The following SNX1 variants were observed in gnomAD, a reference collection of about 807,000 sequenced individuals.
SNX1 encodes the protein sorting nexin 1, also known as sorting nexin-1.
A neutral mutation model predicts 71.8 loss-of-function variants in SNX1; 36 were observed. The ratio of observed to expected loss-of-function variants is 0.50; its 90% confidence interval spans 0.38 to 0.66. The LOEUF is 0.66. Among genes scored for constraint, SNX1 ranks in the 30% least tolerant of loss-of-function variants. The pLI is 0.00. For missense variants in SNX1, 612 were observed against 646.7 expected (o/e 0.95, Z 0.58); for synonymous variants, 254 against 240.7 (o/e 1.06, Z -0.51).
intron 4 of SNX1, among the ~76,000 whole-genome samples, chr15:64,122,591 C>T (rs1307764896): frequency 6.6e-6 from 1 of 152,140 alleles, no homozygotes; most frequent in Non-Finnish European, 1.5e-5. Flanking sequence ...CCCCTCACCC[C>T]TCACCCCAGA....
chr15:64,121,993 C>T (rs1171754677), intron 4 of SNX1, among the ~76,000 whole-genome samples: 4 of 152,158 alleles, frequency 2.6e-5, no homozygotes, highest in South Asian at 2.1e-4. Flanking sequence ...TGGAAATTTA[C>T]GTAAATTTAA....
In SNX1 at chr15:64,129,341, G is replaced by A. The variant is rs1011988130; in HGVS notation, c.808-575G>A. On this transcript the variant is annotated intron_variant, in intron 8 of 14. Transcript: ENST00000559844. This position sits in a 1 kb window ranked among gnomAD's most constrained non-coding sequence, Gnocchi z 4.4. ...CTGTATATGCTATAGATTTTTCAGC[G>A]TCCTTTCCATGCCCTAGGAGAGTAC... 5.9e-5 allele frequency among the ~76,000 whole-genome samples: 9 copies of A among 152,070 alleles called. No homozygotes were observed. The South Asian group carries it at 6.2e-4, about 11-fold the overall frequency.
At chr15:64,104,475 G>A (rs1374664431) in intron 1 of SNX1, among the ~76,000 whole-genome samples, 4 of 151,984 alleles carry the variant, frequency 2.6e-5, no homozygotes, top group African/African-American at 7.2e-5. Context: ...GGGTTTCACC[G>A]TGTTAGCCAG....
chr15:64,113,838 AAAGAGAG>A (rs2081102545), intron 2 of SNX1, among the ~76,000 whole-genome samples: 1 of 149,742 alleles, frequency 6.7e-6, no homozygotes, highest in South Asian at 2.1e-4. Flanking sequence ...AGAAAGAAAG[AAAGAGAG>A]AGAGAGAGAG....
intron 1 of SNX1, among the ~76,000 whole-genome samples, chr15:64,097,319 A>G (rs2080913410): frequency 6.6e-6 from 1 of 152,162 alleles, no homozygotes; most frequent in Non-Finnish European, 1.5e-5. Context: ...CTTTTGGTTT[A>G]GCTTTAGGAA....
At chr15:64,107,342 GT>G (rs1467848997) in intron 1 of SNX1, among the ~76,000 whole-genome samples, 4 of 152,208 alleles carry the variant, frequency 2.6e-5, no homozygotes, top group African/African-American at 9.7e-5. Flanking sequence ...GCAAAGAGCA[GT>G]TAAGCAACAT....
Position 64,108,865 on chromosome 15 carries a change from A to G in SNX1, c.160-3708A>G, listed in dbSNP as rs564076503. Among the ~76,000 whole-genome samples the G allele has an allele frequency of 3.3e-5, 5 of 151,806 alleles. No homozygotes were observed. The East Asian group carries it at 9.7e-4, about 29-fold the overall frequency. ...GAGCCAGGCGTGGTGGTGGGCGCCC[A>G]TAATCCCAGCTACTCAGGAGGCTGA... On this transcript the variant is annotated intron_variant, in intron 1 of 14. Coordinates refer to ENST00000559844, the MANE Select transcript of SNX1 (RefSeq NM_003099.5).
In SNX1 at chr15:64,096,114, C is replaced by G. The variant is rs769183939; in HGVS notation, c.101C>G (p.Pro34Arg). Residue 34 changes from proline (P) to arginine (R), a missense_variant, in exon 1 of 15, where the codon CCC becomes CGC. Pro to Arg is a moderately radical substitution (Grantham distance 103). This residue lies in a region of SNX1 where 316 missense variants were observed against 284.9 expected (regional missense o/e 1.11). Coordinates refer to ENST00000559844, the MANE Select transcript of SNX1 (RefSeq NM_003099.5). ...ESEGAAGGSE[P>R]EAGDSDTEGE... ...GAGGGGGCGGCCGGGGGATCAGAAC[C>G]CGAGGCTGGGGACAGCGACACCGAG... The G allele has an allele frequency of 1.9e-6, 3 of 1,561,082 alleles. No homozygotes were observed. Among genetic ancestry groups the G allele is most frequent in the Non-Finnish European group, 2.6e-6 (3 of 1,154,038 alleles).
At chr15:64,116,968 T>C (rs560480357) in intron 2 of SNX1, among the ~76,000 whole-genome samples, 1 of 152,340 alleles carries the variant, frequency 6.6e-6, no homozygotes, top group Non-Finnish European at 1.5e-5. Flanking sequence ...AGATATTACA[T>C]GTCTTTTTTC....
At chr15:64,098,519 C>T (rs1035418962) in intron 1 of SNX1, among the ~76,000 whole-genome samples, 2 of 151,910 alleles carry the variant, frequency 1.3e-5, no homozygotes, top group African/African-American at 4.8e-5. Flanking sequence ...ATGGCAAAAC[C>T]CCATCTCTAC....
intron 1 of SNX1, among the ~76,000 whole-genome samples, chr15:64,105,919 A>C (rs537754614): frequency 6.6e-6 from 1 of 152,134 alleles, no homozygotes; most frequent in South Asian, 2.1e-4. Context: ...CTGTGGGCCA[A>C]TTGGCAGGCC....
intron 2 of SNX1, 26 bp from the exon 3 acceptor site, chr15:64,118,091 A>G: frequency 6.2e-7 from 1 of 1,608,554 alleles, no homozygotes; most frequent in Non-Finnish European, 8.5e-7. Flanking sequence ...ACTGACCTTC[A>G]TTTTAAAATA....
chr15:64,110,380 CTG>C (rs1311333348), intron 1 of SNX1, among the ~76,000 whole-genome samples: 9 of 152,110 alleles, frequency 5.9e-5, no homozygotes, highest in Middle Eastern at 3.2e-3. Context: ...GAACATAAGT[CTG>C]TTTTAATCAC....
At position 64,131,738 on chromosome 15, in the gene SNX1, G is replaced by C. The variant is rs1596004505; in HGVS notation, c.1067G>C (p.Ser356Thr). ...QFAKSLAMLG[S>T]SEDNTALSRA... is the part of the protein sequence containing the mutation. ...GCAAAGAGTCTAGCCATGCTTGGGA[G>C]CTCTGAGGACAACACGGCATTGTCA... Residue 356 changes from serine to threonine, a missense_variant, in exon 11 of 15, where the codon AGC (serine) becomes ACC (threonine). Transcript: ENST00000559844. 1 of 1,614,080 alleles carries C rather than the reference G, an allele frequency of 6.2e-7. No individual in the cohort carries two copies. Among genetic ancestry groups the C allele is most frequent in the African/African-American group, 1.3e-5 (1 of 74,922 alleles).
chr15:64,101,767 G>C (rs945649823), intron 1 of SNX1, among the ~76,000 whole-genome samples: 13 of 152,106 alleles, frequency 8.5e-5, no homozygotes, highest in Non-Finnish European at 1.3e-4. Context: ...ACCAACCTCT[G>C]GTAACAGATA....
Position 64,138,412 on chromosome 15 carries a change from C to A in SNX1, c.*794C>A. 2.0e-6 allele frequency: 1 copy of A among 499,138 alleles called. No homozygotes were observed. The highest frequency in any genetic ancestry group is 3.5e-6 in the Non-Finnish European group (1 of 288,992). The allele number at this position is 499,138 out of a possible 1,614,324, so 30.9% of individuals were successfully genotyped here. A position where few individuals can be genotyped will look rare whatever the true frequency, so the allele number is the denominator to read the frequency against. ...GCTTCCCTAAGCTGCTCAGGGTTCTCTGAGTCTTGCCCTCTGATGGCAAGT... is the reference window on the plus strand; with the variant it reads ...GCTTCCCTAAGCTGCTCAGGGTTCTATGAGTCTTGCCCTCTGATGGCAAGT... On this transcript the variant is annotated 3_prime_UTR_variant, in exon 15 of 15. Transcript: ENST00000559844.
chr15:64,109,476 C>T (rs2081056388), intron 1 of SNX1, among the ~76,000 whole-genome samples: 2 of 150,800 alleles, frequency 1.3e-5, no homozygotes, highest in Admixed American at 1.3e-4. Flanking sequence ...TTTCACTACT[C>T]AACCTAGTGA....
chr15:64,116,341 T>C (rs766410329), intron 2 of SNX1, among the ~76,000 whole-genome samples: 18 of 152,202 alleles, frequency 1.2e-4, no homozygotes, highest in Non-Finnish European at 2.1e-4. Flanking sequence ...GGAAAATTCA[T>C]GTATAAATGG....
intron 1 of SNX1, among the ~76,000 whole-genome samples, chr15:64,100,604 C>CAAAAAAAAAAA (rs34663775): frequency 9.7e-6 from 1 of 102,592 alleles, no homozygotes; most frequent in African/African-American, 6.0e-5. Context: ...AACTCCATCT[C>CAAAAAAAAAAA]AAAAAAAAAA....
Sources: allele counts gnomAD v4.1 joint callset (sites outside exome capture counted in the v4.1 genomes callset), GRCh38; gene constraint gnomAD v4.1.1; regional missense constraint gnomAD v4.1.1; non-coding constraint Gnocchi (gnomAD v3.1); transcripts MANE v1.5; gene names NCBI Gene and HGNC (gene_info 2026-07-23, HGNC 2026-07-21).